The following COL20A1 variants were observed in gnomAD, a reference collection of about 807,000 sequenced individuals.
COL20A1 encodes the protein collagen type XX alpha 1 chain, also known as collagen alpha-1(XX) chain.
A neutral mutation model predicts 152.9 loss-of-function variants in COL20A1; 164 were observed. The ratio of observed to expected loss-of-function variants is 1.07; its 90% CI spans 0.94 to 1.22. The LOEUF is 1.22. Among genes scored for constraint, COL20A1 ranks in the 50% most tolerant of loss-of-function variants. COL20A1 has a pLI of 0.00. For synonymous variants in COL20A1, 864 were observed against 756.0 expected (o/e 1.14, Z -2.34); for missense variants, 1,873 against 1,744.8 (o/e 1.07, Z -1.31).
At chr20:63,323,377 C>T (rs994308580) in intron 27 of COL20A1, among the ~76,000 whole-genome samples, 7 of 152,222 alleles carry the variant, frequency 4.6e-5, no homozygotes, top group Non-Finnish European at 1.0e-4. Context: ...TGTTACTGCT[C>T]TGTTCTATGG....
In COL20A1 at chr20:63,317,356, C is replaced by T. The variant is rs1262256394; in HGVS notation, c.2663+665C>T. ...TGGCAGGCACCTGTATTCCCAGCTA[C>T]TCGGGAGGCTGAGGTGGGAGCATGT... On this transcript the variant is annotated intron_variant, in intron 21 of 35. Coordinates refer to ENST00000358894, the MANE Select transcript of COL20A1 (RefSeq NM_020882.4). Among the ~76,000 whole-genome samples the T allele has an allele frequency of 2.6e-5, 4 of 151,566 alleles. 1 individual carries two copies. In the East Asian group the frequency reaches 7.8e-4, roughly 29 times the overall value.
intron 20 of COL20A1, among the ~76,000 whole-genome samples, chr20:63,315,771 C>T (rs1028184617): frequency 1.3e-5 from 2 of 152,204 alleles, no homozygotes; most frequent in Admixed American, 1.3e-4. Context: ...GGTTCTCATT[C>T]GAGTTGCCTG....
intron 35 of COL20A1, among the ~76,000 whole-genome samples, chr20:63,330,010 G>A (rs936799371): frequency 6.6e-6 from 1 of 152,140 alleles, no homozygotes; most frequent in Non-Finnish European, 1.5e-5. Context: ...AGCAGGGAGA[G>A]TGGAGCTCAG....
intron 21 of COL20A1, among the ~76,000 whole-genome samples, chr20:63,318,235 C>T (rs1343357591): frequency 1.3e-5 from 2 of 152,186 alleles, no homozygotes; most frequent in Non-Finnish European, 1.5e-5. Flanking sequence ...AAGAGGAGGG[C>T]TCCTGCTGTG....
In COL20A1 at chr20:63,322,086, G is replaced by A. The variant is rs776611405; in HGVS notation, c.3269G>A (p.Gly1090Glu). The A allele has an allele frequency of 8.6e-6, 13 of 1,504,032 alleles. 1 individual carries two copies. The South Asian group carries it at 1.6e-4, about 18-fold the overall frequency. The allele number at this position is 1,504,032 out of a possible 1,614,324, so 93.2% of individuals were successfully genotyped here. A position where few individuals can be genotyped will look rare whatever the true frequency, so the allele number is the denominator to read the frequency against. The change falls in exon 27 of 36, where the codon GGA (glycine) becomes GAA (glutamate). Residue 1090 changes from glycine to glutamate, a missense_variant. Coordinates refer to ENST00000358894, the MANE Select transcript of COL20A1 (RefSeq NM_020882.4). ...CTCCCTGGGAGGAATGGCACCCCAGGAGAGCAGGGCTTCCCAGGGCCCAGG... is the reference window on the plus strand; with the variant it reads ...CTCCCTGGGAGGAATGGCACCCCAGAAGAGCAGGGCTTCCCAGGGCCCAGG... ...PGLPGRNGTP[G>E]EQGFPGPRGP...
intron 3 of COL20A1, among the ~76,000 whole-genome samples, chr20:63,301,151 C>G (rs920857084): frequency 7.9e-5 from 12 of 152,162 alleles, no homozygotes; most frequent in African/African-American, 2.9e-4. Flanking sequence ...CCCGTCTCTA[C>G]TAAACATACA....
intron 25 of COL20A1, 76 bp downstream of exon 25, chr20:63,320,444 T>G (rs1601433470): frequency 7.2e-7 from 1 of 1,384,770 alleles, no homozygotes; most frequent in Non-Finnish European, 1.0e-6. Context: ...GTGCCTGGGG[T>G]CAGTTGGCCT....
intron 27 of COL20A1, 181 bp from the exon 28 acceptor site, chr20:63,325,256 CCTGT>C: frequency 1.4e-6 from 1 of 707,342 alleles, no homozygotes; most frequent in Non-Finnish European, 2.6e-6. Context: ...CTACCCGCTG[CCTGT>C]GTCTCCAGGG....
At chr20:63,323,277 T>A (rs934453465) in intron 27 of COL20A1, among the ~76,000 whole-genome samples, 1 of 152,252 alleles carries the variant, frequency 6.6e-6, no homozygotes, top group Non-Finnish European at 1.5e-5. Flanking sequence ...GTGATGTGAG[T>A]TTTGACTGCG....
Position 63,313,726 on chromosome 20 carries a change from C to G in COL20A1, c.2210-17C>G, listed in dbSNP as rs765709232. ...CTGGAGGGGCCTGAGCCCCACACAA[C>G]CCATGCTCTCGGCCAGCCACGGTGA... On this transcript the variant is annotated splice_polypyrimidine_tract_variant and intron_variant, in intron 17 of 35. Coordinates refer to ENST00000358894, the MANE Select transcript of COL20A1 (RefSeq NM_020882.4). The surrounding 1 kb of genome is among the most constrained non-coding windows in gnomAD (Gnocchi z 5.9). 34 of 1,565,808 alleles carry G rather than the reference C, an allele frequency of 2.2e-5. No individual in the cohort carries two copies. The highest frequency in any genetic ancestry group is 2.7e-5 in the African/African-American group (2 of 73,214).
chr20:63,308,395 C>G (rs952658629), intron 7 of COL20A1, 147 bp from the exon 8 acceptor site: 52 of 834,384 alleles, frequency 6.2e-5, no homozygotes, highest in Non-Finnish European at 9.1e-5. Flanking sequence ...AACAGGTAGA[C>G]CCTCCCTGCT....
intron 27 of COL20A1, among the ~76,000 whole-genome samples, chr20:63,322,756 A>G (rs934430615): frequency 6.6e-6 from 1 of 152,202 alleles, no homozygotes; most frequent in East Asian, 1.9e-4. Flanking sequence ...CGTGGTCGGC[A>G]TGCAGCAAGG....
In COL20A1 at chr20:63,312,476, C is replaced by T. The variant is rs111272882; in HGVS notation, c.1860C>T (p.Thr620=). 9.4e-5 allele frequency: 151 copies of T among 1,608,972 alleles called. 2 individuals carry two copies. In the African/African-American group the frequency reaches 1.7e-3, roughly 18 times the overall value. The change falls in exon 15 of 36, where the codon ACC becomes ACT. Residue 620 remains threonine, a synonymous_variant. Transcript: ENST00000358894. ...SATLGPLSSS[T]TYTVRVTCLY... The stretch of plus-strand genomic sequence containing the variant: ...CGCTGGGGCCTCTCTCTTCCTCCAC[C>T]ACCTACACTGTCCGTGTCACCTGCC...
intron 34 of COL20A1, 71 bp downstream of exon 34, chr20:63,328,569 G>A (rs2068289227): frequency 7.1e-7 from 1 of 1,413,316 alleles, no homozygotes; most frequent in South Asian, 1.3e-5. Context: ...TGGTCCTGGG[G>A]CTGGGGCTTC....
At chr20:63,322,828 T>A (rs1274326817) in intron 27 of COL20A1, among the ~76,000 whole-genome samples, 1 of 152,184 alleles carries the variant, frequency 6.6e-6, no homozygotes, top group Non-Finnish European at 1.5e-5. Context: ...GAGTTCCACA[T>A]CCCCGTGAGC....
chr20:63,309,721 A>T, intron 9 of COL20A1, 37 bp from the exon 10 acceptor site: 1 of 1,513,514 alleles, frequency 6.6e-7, no homozygotes, highest in Non-Finnish European at 8.8e-7. Context: ...CTGCCCGTGC[A>T]GTGACCACCT....
chr20:63,306,396 T>G lies in COL20A1; in HGVS notation c.496+357T>G, dbSNP rs1157667965. Among the ~76,000 whole-genome samples the G allele has an allele frequency of 6.6e-6, 1 of 152,250 alleles. No individual in the cohort carries two copies. The highest frequency in any genetic ancestry group is 1.5e-5 in the Non-Finnish European group (1 of 68,042). ...CGTGTCTGACCACACGGTCTCTGGC[T>G]TTAACTTAAAGTTGCCATGTTCCCA... On this transcript the variant is annotated intron_variant, in intron 5 of 35. Transcript: ENST00000358894. This position sits in a 1 kb window ranked among gnomAD's most constrained non-coding sequence, Gnocchi z 6.9.
At position 63,305,890 on chromosome 20, in the gene COL20A1, T is replaced by G; in HGVS notation, c.347T>G (p.Leu116Arg). Reference protein sequence around the residue: ...LARREFVIEDLKSSSLDRSSQ... With the variant: ...LARREFVIEDRKSSSLDRSSQ... ...TTGTGTCTCCCTGCAGTTGAGGATC[T>G]GAAGAGTAGCTCCCTGGACAGGAGC... The change falls in exon 5 of 36, where the codon CTG becomes CGG. Residue 116 changes from leucine (L) to arginine (R), a missense_variant. Transcript: ENST00000358894. The surrounding 1 kb of genome is among the most constrained non-coding windows in gnomAD (Gnocchi z 4.9). 6.2e-7 allele frequency: 1 copy of G among 1,613,096 alleles called. No homozygotes were observed. The highest frequency in any genetic ancestry group is 8.5e-7 in the Non-Finnish European group (1 of 1,179,834).
At chr20:63,324,215 T>A (rs2068210499) in intron 27 of COL20A1, 1 of 152,276 alleles carries the variant, frequency 6.6e-6, no homozygotes, top group African/African-American at 2.4e-5. Context: ...CTCAATTATC[T>A]TCTTTGTGGT....
Sources: allele counts gnomAD v4.1 joint callset (sites outside exome capture counted in the v4.1 genomes callset), GRCh38; gene constraint gnomAD v4.1.1; non-coding constraint Gnocchi (gnomAD v3.1); transcripts MANE v1.5; gene names NCBI Gene and HGNC (gene_info 2026-07-23, HGNC 2026-07-21).